Variants in USP33 observed in about 807,000 individuals in gnomAD.
USP33 encodes ubiquitin carboxyl-terminal hydrolase 33.
In USP33, 46 loss-of-function variants were observed where a neutral mutation model predicts 124.2. That is an observed-to-expected ratio of 0.37 (90% CI 0.29 to 0.47). USP33 has a LOEUF of 0.47. Ranked by LOEUF, USP33 falls within the 20% of genes least tolerant of loss-of-function variation. The pLI, the probability that USP33 is intolerant of heterozygous loss-of-function variation, is 0.99. For synonymous variants in USP33, 350 were observed against 352.3 expected, an observed-to-expected ratio of 0.99 and a Z score of 0.07; for missense variants, 851 against 1,070.6, an observed-to-expected ratio of 0.79 and a Z score of 2.86.
intron 10 of USP33, 31 bp downstream of exon 10, chr1:77,728,264 C>T: frequency 6.5e-7 from 1 of 1,532,304 alleles, no homozygotes; most frequent in Non-Finnish European, 8.7e-7. Flanking sequence ...GAAATACTAT[C>T]ATTTTCATGA....
At chr1:77,748,796 C>T (rs1680016616) in intron 1 of USP33, among the ~76,000 whole-genome samples, 1 of 125,964 alleles carries the variant, frequency 7.9e-6, no homozygotes, top group Admixed American at 8.3e-5. Flanking sequence ...CCCCCCCGTG[C>T]TTGAATCAGG....
In USP33 at chr1:77,728,732, A is replaced by C; in HGVS notation, c.718-20T>G. On this transcript the variant is annotated intron_variant, in intron 9 of 23. Coordinates refer to ENST00000370794, the MANE Select transcript of USP33 (RefSeq NM_201624.3). ...AGCATCCTAATATATCAGCAACATA[A>C]TGTTAACCACTTCATTACATGTGTA... 1 of 1,599,986 alleles carries C rather than the reference A, an allele frequency of 6.3e-7. No homozygotes were observed. Among genetic ancestry groups the C allele is most frequent in the Non-Finnish European group, 8.5e-7 (1 of 1,175,100 alleles).
At chr1:77,719,698 C>T (rs561837977) in intron 15 of USP33, among the ~76,000 whole-genome samples, 1 of 151,562 alleles carries the variant, frequency 6.6e-6, no homozygotes, top group Non-Finnish European at 1.5e-5. Context: ...ACTAAAAATA[C>T]AAAAATTAGC....
At chr1:77,738,484 T>C (rs1678734412) in intron 5 of USP33, among the ~76,000 whole-genome samples, 1 of 152,086 alleles carries the variant, frequency 6.6e-6, no homozygotes, top group African/African-American at 2.4e-5. Context: ...AAAATCTTTT[T>C]TTCTTTTTTT....
intron 15 of USP33, among the ~76,000 whole-genome samples, chr1:77,719,856 G>T: frequency 1.0e-5 from 1 of 100,210 alleles, no homozygotes; most frequent in South Asian, 3.0e-4. Context: ...TCCCTCTCAA[G>T]AAAAAAAAAA....
intron 1 of USP33, among the ~76,000 whole-genome samples, chr1:77,748,882 G>GA (rs1482457667): frequency 6.9e-6 from 1 of 144,618 alleles, no homozygotes; most frequent in Non-Finnish European, 1.5e-5. Flanking sequence ...CTTCATCATG[G>GA]AAAAGAGAGT....
In USP33 at chr1:77,715,832, T is replaced by C. The variant is rs1471710592; in HGVS notation, c.1955A>G (p.Asn652Ser). The change falls in exon 18 of 24, where the codon AAT (asparagine) becomes AGT (serine). Residue 652 changes from asparagine (N) to serine (S), a missense_variant. Coordinates refer to ENST00000370794, the MANE Select transcript of USP33 (RefSeq NM_201624.3). ...ATCATCAAATTCATACCAGAGATTA[T>C]TTAGATTGTTTCGGCAGTAGGCTAT... ...HYIAYCRNNL[N>S]NLWYEFDDQS... 3 of 1,613,964 alleles carry C rather than the reference T, an allele frequency of 1.9e-6. No homozygotes were observed. Among genetic ancestry groups the C allele is most frequent in the East Asian group, 4.5e-5 (2 of 44,844 alleles).
intron 5 of USP33, 82 bp from the exon 6 acceptor site, chr1:77,736,240 T>G: frequency 1.4e-5 from 11 of 800,090 alleles, no homozygotes; most frequent in South Asian, 2.3e-5. Flanking sequence ...ATAACATCTA[T>G]ACCATAAAAA....
chr1:77,727,182 C>A (rs915061017), intron 10 of USP33, among the ~76,000 whole-genome samples: 2 of 152,100 alleles, frequency 1.3e-5, no homozygotes, highest in Non-Finnish European at 2.9e-5. Flanking sequence ...TCTAACGGAC[C>A]AGAGATGAAG....
At chr1:77,756,443 T>C (rs1159484185) in intron 1 of USP33, among the ~76,000 whole-genome samples, 2 of 152,184 alleles carry the variant, frequency 1.3e-5, no homozygotes, top group African/African-American at 4.8e-5. Context: ...TTGTAGCTGG[T>C]ATGCACAGTT....
chr1:77,739,445 G>A, intron 4 of USP33, 28 bp from the exon 5 acceptor site: 1 of 1,544,954 alleles, frequency 6.5e-7, no homozygotes, highest in Non-Finnish European at 8.7e-7. Flanking sequence ...AGAGGGAAAA[G>A]AGGAACCAAA....
chr1:77,737,475 T>C (rs1292225748), intron 5 of USP33, among the ~76,000 whole-genome samples: 2 of 152,374 alleles, frequency 1.3e-5, no homozygotes, highest in South Asian at 2.1e-4. Flanking sequence ...TGAAAAATCT[T>C]ATTAATATTT....
At chr1:77,727,017 A>G (rs887722023) in intron 10 of USP33, among the ~76,000 whole-genome samples, 3 of 152,242 alleles carry the variant, frequency 2.0e-5, no homozygotes, top group East Asian at 1.9e-4. Context: ...TTTTCCAGAT[A>G]ATGCAAAATC....
chr1:77,697,097 TGAAA>T lies in USP33; in HGVS notation c.*216_*219del. On this transcript the variant is annotated 3_prime_UTR_variant, in exon 24 of 24. Transcript: ENST00000370794. ...ACTCTGTCTCAAAAAAAAATTACACTGAAAGACTTTATGGTAAGTATTTAAAACT... is the reference window on the plus strand; with the variant it reads ...ACTCTGTCTCAAAAAAAAATTACACTGACTTTATGGTAAGTATTTAAAACT... 2.6e-6 allele frequency: 1 copy of T among 378,100 alleles called. No individual in the cohort carries two copies. The highest frequency in any genetic ancestry group is 6.9e-5 in the South Asian group (1 of 14,502). The allele number at this position is 378,100 out of a possible 1,614,324, so 23.4% of individuals were successfully genotyped here.
chr1:77,708,502 ATAG>A lies in USP33; in HGVS notation c.2406+3242_2406+3244del, dbSNP rs1240537707. 9.2e-5 allele frequency among the ~76,000 whole-genome samples: 14 copies of A among 152,322 alleles called. No homozygotes were observed. The South Asian group carries it at 2.1e-3, about 23-fold the overall frequency. Reference sequence around the variant, plus strand: ...TCTTGAATAATTCACTTGGGTCCTGATAGTAGCAGTAGCTTCTCAGGTTTCTGA... The same window carrying A: ...TCTTGAATAATTCACTTGGGTCCTGATAGCAGTAGCTTCTCAGGTTTCTGA... On this transcript the variant is annotated intron_variant, in intron 21 of 23. Coordinates refer to ENST00000370794, the MANE Select transcript of USP33 (RefSeq NM_201624.3).
At chr1:77,744,079 G>A (rs916577602) in intron 1 of USP33, among the ~76,000 whole-genome samples, 1 of 150,322 alleles carries the variant, frequency 6.7e-6, no homozygotes, top group Non-Finnish European at 1.5e-5. Flanking sequence ...AGCTGAGATC[G>A]CGCCACTGCA....
intron 18 of USP33, among the ~76,000 whole-genome samples, chr1:77,715,109 TA>T (rs1428069911): frequency 1.3e-5 from 2 of 152,138 alleles, no homozygotes; most frequent in Non-Finnish European, 2.9e-5. Context: ...AAAAAACAAA[TA>T]TTTTTATAGT....
rs778087710 is a variant in USP33, at chr1:77,730,653, A to G, written c.603T>C (p.Tyr201=). The G allele has an allele frequency of 6.3e-7, 1 of 1,597,426 alleles. No homozygotes were observed. The highest frequency in any genetic ancestry group is 8.5e-7 in the Non-Finnish European group (1 of 1,170,078). ...TDKKPAICKS[Y]LKLMTELWHK... is the part of the protein sequence containing the mutation. ...GCCACAGCTCTGTCATTAGTTTGAG[A>G]TAACTTTTACAAATGGCAGGTTTCT... Residue 201 remains tyrosine, a synonymous_variant, in exon 8 of 24, where the codon TAT becomes TAC. Coordinates refer to ENST00000370794, the MANE Select transcript of USP33 (RefSeq NM_201624.3).
intron 1 of USP33, among the ~76,000 whole-genome samples, chr1:77,753,193 A>G (rs540272959): frequency 1.3e-5 from 2 of 152,356 alleles, no homozygotes; most frequent in Admixed American, 1.3e-4. Context: ...CTGAGACCAA[A>G]AAAGGGGGTC....
Sources: allele counts gnomAD v4.1 joint callset (sites outside exome capture counted in the v4.1 genomes callset), GRCh38; gene constraint gnomAD v4.1.1; transcripts MANE v1.5; gene names NCBI Gene and HGNC (gene_info 2026-07-23, HGNC 2026-07-21).